Variants in NEK1 observed in about 807,000 individuals in gnomAD.
NEK1 encodes the protein serine/threonine-protein kinase Nek1.
A neutral mutation model predicts 182.1 loss-of-function variants in NEK1; 137 were observed. That is an observed-to-expected ratio of 0.75 (90% CI 0.65 to 0.87). The LOEUF (loss-of-function observed/expected upper bound fraction) is 0.87. NEK1 is among the 40% of genes least tolerant of loss of function. The pLI is 0.00. For synonymous variants in NEK1, 513 were observed against 492.2 expected, an observed-to-expected ratio of 1.04 and a Z score of -0.56; for missense variants, 1,391 against 1,494.4, an observed-to-expected ratio of 0.93 and a Z score of 1.14.
intron 29 of NEK1, among the ~76,000 whole-genome samples, chr4:169,426,466 T>C (rs1736409756): frequency 6.6e-6 from 1 of 152,218 alleles, no homozygotes; most frequent in Non-Finnish European, 1.5e-5. Context: ...CACCATGTTT[T>C]ATAACAATGG....
chr4:169,606,982 G>A (rs1771454869), intron 2 of NEK1, among the ~76,000 whole-genome samples: 1 of 152,182 alleles, frequency 6.6e-6, no homozygotes. Context: ...GTCTTGCTGA[G>A]GAGAGAAAGC....
chr4:169,446,429 T>C (rs192737935), intron 27 of NEK1, among the ~76,000 whole-genome samples: 38 of 152,092 alleles, frequency 2.5e-4, no homozygotes, highest in East Asian at 3.9e-4. Context: ...CTAGAGGTAA[T>C]AGACAAATTC....
chr4:169,559,923 C>T (rs1208601240), intron 16 of NEK1, among the ~76,000 whole-genome samples: 1 of 152,098 alleles, frequency 6.6e-6, no homozygotes, highest in African/African-American at 2.4e-5. Flanking sequence ...GCAGGAGAAT[C>T]GCTTGAACCC....
chr4:169,452,038 A>T (rs1741898820), intron 27 of NEK1, among the ~76,000 whole-genome samples: 1 of 152,216 alleles, frequency 6.6e-6, no homozygotes, highest in South Asian at 2.1e-4. Context: ...ATACAGAAGA[A>T]ATGCATACAT....
rs398124255 is a variant in NEK1 at position 169,561,898 on chromosome 4, T to TA, written c.1081-8dup. The TA allele has an allele frequency of 0.067, 106,284 of 1,588,998 alleles. 4,075 individuals are homozygous for TA. The highest frequency in any genetic ancestry group is 0.16 in the African/African-American group (11,688 of 73,082). ...TTCTCTTTCTTGCTGCTTCCTTAAA[T>TA]AAAAAAAAGAACATTTTAATCCATA... On this transcript the variant is annotated splice_polypyrimidine_tract_variant and splice_region_variant and intron_variant, in intron 13 of 35. Transcript: ENST00000507142.
chr4:169,539,878 T>A (rs1383387124), intron 18 of NEK1, among the ~76,000 whole-genome samples: 7 of 152,168 alleles, frequency 4.6e-5, no homozygotes, highest in Admixed American at 2.0e-4. Flanking sequence ...TGACTTCCCA[T>A]CTTAAGATGC....
intron 27 of NEK1, among the ~76,000 whole-genome samples, chr4:169,461,809 T>C (rs1744014165): frequency 6.6e-6 from 1 of 152,146 alleles, no homozygotes; most frequent in African/African-American, 2.4e-5. Context: ...TTATTATTTG[T>C]TTTCATTTTT....
At chr4:169,569,810 C>G (rs993324158) in intron 12 of NEK1, among the ~76,000 whole-genome samples, 5 of 152,220 alleles carry the variant, frequency 3.3e-5, no homozygotes, top group African/African-American at 1.2e-4. Context: ...GGTGCCCAGG[C>G]TGGAGTGCAG....
intron 26 of NEK1, among the ~76,000 whole-genome samples, chr4:169,474,962 C>G (rs1439876916): frequency 1.3e-5 from 2 of 152,076 alleles, no homozygotes; most frequent in East Asian, 1.9e-4. Context: ...AACAACTGGA[C>G]AAAATATGAG....
intron 8 of NEK1, 112 bp downstream of exon 8, chr4:169,588,537 G>C: frequency 1.7e-6 from 1 of 592,096 alleles, no homozygotes; most frequent in South Asian, 2.5e-5. Context: ...ATATACATAT[G>C]TGTTTACATG....
intron 19 of NEK1, among the ~76,000 whole-genome samples, chr4:169,512,380 T>C (rs964487036): frequency 6.6e-6 from 1 of 152,138 alleles, no homozygotes; most frequent in East Asian, 1.9e-4. Context: ...TGGGTATCTC[T>C]TCATGTGTTA....
chr4:169,600,599 G>A (rs1770317729), intron 4 of NEK1, among the ~76,000 whole-genome samples: 1 of 152,036 alleles, frequency 6.6e-6, no homozygotes. Flanking sequence ...ACTGGGATAA[G>A]AATCTATATG....
chr4:169,418,914 A>AAC (rs761522348), intron 31 of NEK1, among the ~76,000 whole-genome samples: 3 of 152,072 alleles, frequency 2.0e-5, no homozygotes, highest in African/African-American at 7.2e-5. Flanking sequence ...AAACAGGATA[A>AAC]ACACACACAC....
chr4:169,430,851 A>T (rs1737290704), intron 29 of NEK1, among the ~76,000 whole-genome samples: 1 of 152,018 alleles, frequency 6.6e-6, no homozygotes, highest in Non-Finnish European at 1.5e-5. Flanking sequence ...GAAAAAAAAA[A>T]TTGTTGGGGG....
At chr4:169,438,322 G>T in intron 27 of NEK1, 63 bp from the exon 28 acceptor site, 1 of 1,281,142 alleles carries the variant, frequency 7.8e-7, no homozygotes, top group Non-Finnish European at 1.1e-6. Flanking sequence ...ATCTGTAATG[G>T]CATTGGGGGC....
At chr4:169,414,569 T>C (rs1053991101) in intron 31 of NEK1, among the ~76,000 whole-genome samples, 1 of 152,234 alleles carries the variant, frequency 6.6e-6, no homozygotes, top group African/African-American at 2.4e-5. Context: ...ACATATAACA[T>C]ACTTTAAACA....
intron 31 of NEK1, among the ~76,000 whole-genome samples, chr4:169,406,993 T>G (rs1459940577): frequency 6.6e-6 from 1 of 152,110 alleles, no homozygotes; most frequent in Non-Finnish European, 1.5e-5. Flanking sequence ...CAGCTCAGTC[T>G]TTTTTCACAG....
intron 31 of NEK1, among the ~76,000 whole-genome samples, chr4:169,420,854 C>A (rs1735369659): frequency 6.6e-6 from 1 of 152,046 alleles, no homozygotes; most frequent in Admixed American, 6.6e-5. Flanking sequence ...TAGGTTTAAA[C>A]CCAATCATAT....
Position 169,577,079 on chromosome 4 carries a change from G to C in NEK1, c.869C>G (p.Ala290Gly). The change falls in exon 12 of 36, where the codon GCT becomes GGT. Residue 290 changes from alanine to glycine, a missense_variant and splice_region_variant. This residue lies in a region of NEK1 where 1,216 missense variants were observed against 1,277.6 expected (regional missense o/e 0.95). Transcript: ENST00000507142. ...FSKFGSQPIPAKRPASGQNSI... is the reference protein window; with the variant it reads ...FSKFGSQPIPGKRPASGQNSI... ...GTTTTGTCCTGAAGCTGGTCTTTTA[G>C]CTAGATGAAAAGATACAAAGAATTT... The C allele has an allele frequency of 6.2e-7, 1 of 1,613,224 alleles. No individual in the cohort carries two copies. Among genetic ancestry groups the C allele is most frequent in the Non-Finnish European group, 8.5e-7 (1 of 1,179,584 alleles).
Sources: allele counts gnomAD v4.1 joint callset (sites outside exome capture counted in the v4.1 genomes callset), GRCh38; gene constraint gnomAD v4.1.1; regional missense constraint gnomAD v4.1.1; transcripts MANE v1.5; gene names NCBI Gene and HGNC (gene_info 2026-07-23, HGNC 2026-07-21).